The following AVEN variants were observed in gnomAD, a reference collection of about 807,000 sequenced individuals.
AVEN encodes apoptosis and caspase activation inhibitor, also known as cell death regulator Aven.
Under a neutral mutation model 38.1 loss-of-function variants are expected in AVEN, and 41 were observed. The ratio of observed to expected loss-of-function variants is 1.08; its 90% CI spans 0.84 to 1.40. The LOEUF (loss-of-function observed/expected upper bound fraction) is 1.40, where lower values mean the gene tolerates loss of function less well. Ranked by LOEUF, AVEN falls within the 40% of genes most tolerant of loss-of-function variation. AVEN has a pLI of 0.00. For synonymous variants in AVEN, 206 were observed against 171.8 expected (o/e 1.20, Z -1.56); for missense variants, 605 against 438.8 (o/e 1.38, Z -3.38).
rs1257803464 is a variant in AVEN, at chr15:34,044,221, C to A, written n.1637+18701G>T. ...GCACTGTCTCCAATTCTCCTTCTCC[C>A]ATTCGCTATTTTATCCACTCCTCAA... On this transcript the variant is annotated intron_variant and non_coding_transcript_variant, in intron 5 of 11. Coordinates refer to the AVEN transcript ENST00000675287. Among the ~76,000 whole-genome samples, 7 of 152,302 alleles carry A rather than the reference C, an allele frequency of 4.6e-5. No homozygotes were observed. In the East Asian group the frequency reaches 1.3e-3, roughly 29 times the overall value.
intron 2 of AVEN, among the ~76,000 whole-genome samples, chr15:33,967,632 T>G (rs1480902654): frequency 6.6e-6 from 1 of 152,008 alleles, no homozygotes; most frequent in East Asian, 1.9e-4. Context: ...AACATTATAT[T>G]GTCTAGATAC....
chr15:34,053,899 G>A (rs569715364), intron 5 of AVEN, among the ~76,000 whole-genome samples: 1 of 152,038 alleles, frequency 6.6e-6, no homozygotes, highest in Admixed American at 6.6e-5. Context: ...ACAACTTACA[G>A]AATGGGAGAA....
At chr15:33,886,021 G>A (rs1177127767) in intron 2 of AVEN, among the ~76,000 whole-genome samples, 1 of 152,174 alleles carries the variant, frequency 6.6e-6, no homozygotes, top group Non-Finnish European at 1.5e-5. Flanking sequence ...GTCTTTGGAT[G>A]GGCAATGAAG....
intron 5 of AVEN, among the ~76,000 whole-genome samples, chr15:34,056,845 AC>A (rs1900171805): frequency 6.6e-6 from 1 of 152,202 alleles, no homozygotes; most frequent in Admixed American, 6.5e-5. Flanking sequence ...AGCCTGAGCA[AC>A]ATAGCGAGAC....
intron 2 of AVEN, among the ~76,000 whole-genome samples, chr15:33,915,381 C>T (rs1163606654): frequency 6.6e-6 from 1 of 152,126 alleles, no homozygotes; most frequent in South Asian, 2.1e-4. Flanking sequence ...GGATCATCCA[C>T]CCCCAAGCAC....
intron 5 of AVEN, among the ~76,000 whole-genome samples, chr15:34,051,815 A>G (rs1899933587): frequency 6.6e-6 from 1 of 152,070 alleles, no homozygotes; most frequent in African/African-American, 2.4e-5. Context: ...TTAATAGACC[A>G]ATAATGAGTT....
At chr15:34,073,874 T>A (rs1900681008) in intron 1 of AVEN, among the ~76,000 whole-genome samples, 1 of 152,102 alleles carries the variant, frequency 6.6e-6, no homozygotes, top group African/African-American at 2.4e-5. Flanking sequence ...ACTTCTGTCC[T>A]TTTCCATGTC....
At chr15:34,003,864 G>A (rs1897231242) in intron 1 of AVEN, among the ~76,000 whole-genome samples, 1 of 152,084 alleles carries the variant, frequency 6.6e-6, no homozygotes, top group South Asian at 2.1e-4. Context: ...ATAAATACAT[G>A]TTATGACCAG....
At position 33,880,229 on chromosome 15, in the gene AVEN, G is replaced by C. The variant is rs541004635; in HGVS notation, c.446-4234C>G. 9.2e-5 allele frequency among the ~76,000 whole-genome samples: 14 copies of C among 152,264 alleles called. No homozygotes were observed. The East Asian group carries it at 2.7e-3, about 29-fold the overall frequency. On this transcript the variant is annotated intron_variant, in intron 2 of 5. Coordinates refer to ENST00000306730, the MANE Select transcript of AVEN (RefSeq NM_020371.3). ...TGAAAAGTCTTATCTGAAGACATGA[G>C]AGTTCCCAAGGCAGTGAGGACTTGG... is the stretch of plus-strand genomic sequence containing the variant.
At chr15:33,992,368 C>T (rs1040897345) in intron 2 of AVEN, among the ~76,000 whole-genome samples, 15 of 150,180 alleles carry the variant, frequency 1.0e-4, no homozygotes, top group Admixed American at 3.3e-4. Context: ...CCAGCCTGCG[C>T]GACAGATCAG....
chr15:34,005,360 C>T (rs895431740), intron 1 of AVEN, among the ~76,000 whole-genome samples: 23 of 152,120 alleles, frequency 1.5e-4, no homozygotes, highest in Admixed American at 1.4e-3. Flanking sequence ...AGCACAGTCC[C>T]TATTTTTACG....
At chr15:34,038,679 G>A (rs1899287300) in intron 1 of AVEN, 101 bp downstream of exon 1, 9 of 1,036,220 alleles carry the variant, frequency 8.7e-6, no homozygotes, top group South Asian at 9.3e-5. Context: ...CGCCCGTCTG[G>A]CGCGCGCCTG....
chr15:33,930,566 T>G (rs1298446708), intron 2 of AVEN, among the ~76,000 whole-genome samples: 11 of 152,322 alleles, frequency 7.2e-5, no homozygotes. Flanking sequence ...TACATATACT[T>G]TCTTACGAAA....
At chr15:34,056,920 T>C (rs536225861) in intron 5 of AVEN, among the ~76,000 whole-genome samples, 3 of 152,024 alleles carry the variant, frequency 2.0e-5, no homozygotes, top group Non-Finnish European at 4.4e-5. Flanking sequence ...ATGCCTGTAG[T>C]CCCAGCCACT....
chr15:33,900,120 C>T (rs1204115540), intron 2 of AVEN, among the ~76,000 whole-genome samples: 1 of 151,824 alleles, frequency 6.6e-6, no homozygotes, highest in Non-Finnish European at 1.5e-5. Context: ...CTTTCCTCTT[C>T]TTCTCTCTAA....
At chr15:33,918,321 T>A (rs1381252646) in intron 2 of AVEN, among the ~76,000 whole-genome samples, 2 of 152,186 alleles carry the variant, frequency 1.3e-5, no homozygotes, top group African/African-American at 4.8e-5. Context: ...TATGTACTTT[T>A]AAAATCAAAC....
intron 5 of AVEN, among the ~76,000 whole-genome samples, chr15:34,047,635 T>G (rs1370753670): frequency 6.6e-6 from 1 of 152,178 alleles, no homozygotes; most frequent in Non-Finnish European, 1.5e-5. Flanking sequence ...TTCAGTTGAC[T>G]CAGCCATTCT....
At chr15:33,936,052 G>C (rs1441060437) in intron 2 of AVEN, among the ~76,000 whole-genome samples, 1 of 151,688 alleles carries the variant, frequency 6.6e-6, no homozygotes, top group Non-Finnish European at 1.5e-5. Context: ...GAATGGAAGG[G>C]AACTTTCTTA....
chr15:33,983,641 C>T (rs1426017087), intron 2 of AVEN, among the ~76,000 whole-genome samples: 1 of 152,052 alleles, frequency 6.6e-6, no homozygotes, highest in Admixed American at 6.6e-5. Flanking sequence ...AACACATGCC[C>T]AGAAATTCCT....
Sources: allele counts gnomAD v4.1 joint callset (sites outside exome capture counted in the v4.1 genomes callset), GRCh38; gene constraint gnomAD v4.1.1; transcripts MANE v1.5; gene names NCBI Gene and HGNC (gene_info 2026-07-23, HGNC 2026-07-21).